ZDHHC2: variants seen among roughly 807,000 people sequenced by gnomAD.
The protein encoded by ZDHHC2 is palmitoyltransferase ZDHHC2.
In ZDHHC2, 51 loss-of-function variants were observed where a neutral mutation model predicts 55.6. The observed-to-expected ratio is 0.92, with a 90% CI of 0.73 to 1.16. The LOEUF (loss-of-function observed/expected upper bound fraction) is 1.16, where lower values mean the gene tolerates loss of function less well. Ranked by LOEUF, ZDHHC2 falls within the 50% of genes most tolerant of loss-of-function variation. The pLI is 0.00. For synonymous variants in ZDHHC2, 199 were observed against 152.9 expected, an observed-to-expected ratio of 1.30 and a Z score of -2.22; for missense variants, 491 against 442.4, an observed-to-expected ratio of 1.11 and a Z score of -0.99.
intron 1 of ZDHHC2, among the ~76,000 whole-genome samples, chr8:17,168,044 G>A (rs755546235): frequency 2.6e-5 from 4 of 152,018 alleles, no homozygotes; most frequent in African/African-American, 9.7e-5. Context: ...CCTTCTTAGA[G>A]TATACTGAAT....
chr8:17,188,331 C>T (rs1440140285), intron 3 of ZDHHC2, among the ~76,000 whole-genome samples: 3 of 151,722 alleles, frequency 2.0e-5, no homozygotes, highest in African/African-American at 7.3e-5. Context: ...ATTGTGATTC[C>T]ATATATCCCA....
chr8:17,199,822 T>C (rs1344904601), intron 6 of ZDHHC2, among the ~76,000 whole-genome samples: 10 of 149,922 alleles, frequency 6.7e-5, no homozygotes, highest in Admixed American at 2.0e-4. Flanking sequence ...TGCGGTAGCG[T>C]GATCTCAGCT....
rs1806566009 is a variant in ZDHHC2, at chr8:17,199,546, T to TCTTCGTCTTCGTCTTCGTCTTCGTCTTC, written c.476+1133_476+1134insCTTCGTCTTCGTCTTCGTCTTCGTCTTC. On this transcript the variant is annotated intron_variant, in intron 6 of 12. Transcript: ENST00000262096. ...GTCTTCGTCTTCTGTCTTCGTCTTC[T>TCTTCGTCTTCGTCTTCGTCTTCGTCTTC]GTCTTCGTCTTCGTCTTCTTCGTCT... 1.2e-4 allele frequency among the ~76,000 whole-genome samples: 5 copies of TCTTCGTCTTCGTCTTCGTCTTCGTCTTC among 40,642 alleles called. 1 individual carries two copies. Among genetic ancestry groups the TCTTCGTCTTCGTCTTCGTCTTCGTCTTC allele is most frequent in the Admixed American group, 3.3e-4 (1 of 3,050 alleles). 26.7% of individuals were successfully genotyped at this position (40,642 alleles called of 152,430 possible).
At chr8:17,189,871 A>G (rs182459086) in intron 3 of ZDHHC2, among the ~76,000 whole-genome samples, 331 of 152,238 alleles carry the variant, frequency 2.2e-3, no homozygotes, top group Admixed American at 8.0e-3. Context: ...ATTTTTTACT[A>G]TTTTACAGAT....
In ZDHHC2 at chr8:17,178,515, C is replaced by A. The variant is rs577239922; in HGVS notation, c.131-6274C>A. Among the ~76,000 whole-genome samples, 128 of 152,270 alleles carry A rather than the reference C, an allele frequency of 8.4e-4. 2 individuals are homozygous for A. Among genetic ancestry groups the A allele is most frequent in the Middle Eastern group, 6.8e-3 (2 of 294 alleles). On this transcript the variant is annotated intron_variant, in intron 1 of 12. Coordinates refer to ENST00000262096, the MANE Select transcript of ZDHHC2 (RefSeq NM_016353.5). ...AGTAAATATTTTAGGCTTTGCAGTC[C>A]ATACTTTCCCTGTCTCAGCTACCTA...
At chr8:17,178,865 C>G (rs947022399) in intron 1 of ZDHHC2, among the ~76,000 whole-genome samples, 2 of 152,130 alleles carry the variant, frequency 1.3e-5, no homozygotes, top group Non-Finnish European at 2.9e-5. Flanking sequence ...AATGTTATAA[C>G]AAAAAACTGT....
At chr8:17,182,787 A>G (rs933461106) in intron 1 of ZDHHC2, among the ~76,000 whole-genome samples, 3 of 152,128 alleles carry the variant, frequency 2.0e-5, no homozygotes, top group African/African-American at 7.2e-5. Flanking sequence ...TTTGAGACAG[A>G]GTCTCACTCT....
In ZDHHC2 at chr8:17,210,074, A is replaced by T; in HGVS notation, c.857+16A>T. On this transcript the variant is annotated intron_variant, in intron 9 of 12. Transcript: ENST00000262096. ...TTTTTTCAAGGTACTTCTTTGTTAA[A>T]ATTTTCAGGCTTTAAACTAATGAAA... The T allele has an allele frequency of 6.3e-7, 1 of 1,579,604 alleles. No individual in the cohort carries two copies. The highest frequency in any genetic ancestry group is 1.2e-5 in the South Asian group (1 of 86,638).
intron 1 of ZDHHC2, among the ~76,000 whole-genome samples, chr8:17,183,927 C>T (rs556835844): frequency 2.1e-4 from 32 of 152,140 alleles, no homozygotes; most frequent in African/African-American, 6.5e-4. Context: ...CTCACACTAC[C>T]CTCTGGTTCC....
At chr8:17,219,516 G>A (rs73555629) in intron 12 of ZDHHC2, among the ~76,000 whole-genome samples, 3,716 of 152,076 alleles carry the variant, frequency 0.024, 176 homozygotes, top group African/African-American at 0.084. Flanking sequence ...CAGCACTTGC[G>A]GAGGCCAAGG....
At position 17,206,400 on chromosome 8, in the gene ZDHHC2, T is replaced by C. The variant is rs1807103939; in HGVS notation, c.597+625T>C. On this transcript the variant is annotated intron_variant, in intron 7 of 12. Coordinates refer to ENST00000262096, the MANE Select transcript of ZDHHC2 (RefSeq NM_016353.5). ...ACACACTGATCAGTTGTCAAAGATG[T>C]TGTGACCAGAGGTTCATAGAAACCT... is the stretch of plus-strand genomic sequence containing the variant. Among the ~76,000 whole-genome samples, 4 of 152,314 alleles carry C rather than the reference T, an allele frequency of 2.6e-5. No homozygotes were observed. In the South Asian group the frequency reaches 8.3e-4, roughly 32 times the overall value.
intron 8 of ZDHHC2, among the ~76,000 whole-genome samples, 160 bp downstream of exon 8, chr8:17,208,252 G>T (rs1230033989): frequency 1.3e-5 from 2 of 149,952 alleles, no homozygotes; most frequent in African/African-American, 4.9e-5. Flanking sequence ...GACACATACA[G>T]GTTTGCTCAT....
At chr8:17,164,207 AC>A (rs1251405390) in intron 1 of ZDHHC2, among the ~76,000 whole-genome samples, 1 of 152,190 alleles carries the variant, frequency 6.6e-6, no homozygotes, top group Non-Finnish European at 1.5e-5. Flanking sequence ...TCTGGCCATG[AC>A]TTTTAAATTC....
At chr8:17,171,931 G>C (rs1229632370) in intron 1 of ZDHHC2, among the ~76,000 whole-genome samples, 1 of 151,732 alleles carries the variant, frequency 6.6e-6, no homozygotes, top group Non-Finnish European at 1.5e-5. Context: ...ACTCCATCTT[G>C]GTTCTTTCAC....
intron 6 of ZDHHC2, among the ~76,000 whole-genome samples, chr8:17,199,509 T>TCTTCGTCTTCGTCTTCGTCTTCGTCTTCG (rs1554466018): frequency 8.3e-6 from 1 of 121,204 alleles, no homozygotes; most frequent in African/African-American, 3.7e-5. Context: ...CTTCTTCTTC[T>TCTTCGTCTTCGTCTTCGTCTTCGTCTTCG]TCTTCGTCTT....
At chr8:17,187,104 A>G (rs1350150672) in intron 3 of ZDHHC2, among the ~76,000 whole-genome samples, 1 of 152,234 alleles carries the variant, frequency 6.6e-6, no homozygotes, top group Non-Finnish European at 1.5e-5. Context: ...TCTACCCACA[A>G]GGAAGGGGGG....
At chr8:17,198,495 C>T (rs1806440904) in intron 6 of ZDHHC2, 82 bp downstream of exon 6, 4 of 1,312,302 alleles carry the variant, frequency 3.0e-6, no homozygotes, top group Non-Finnish European at 3.1e-6. Flanking sequence ...TAAATCTTTT[C>T]ACACATGAAA....
At chr8:17,211,277 T>A (rs1317575552) in intron 10 of ZDHHC2, among the ~76,000 whole-genome samples, 5 of 152,182 alleles carry the variant, frequency 3.3e-5, no homozygotes, top group African/African-American at 1.2e-4. Context: ...AGCAAAAGCA[T>A]AACCATAATA....
At chr8:17,198,342 C>T in intron 5 of ZDHHC2, 39 bp from the exon 6 acceptor site, 1 of 1,549,408 alleles carries the variant, frequency 6.5e-7, no homozygotes, top group African/African-American at 1.4e-5. Context: ...ATTAAAATTT[C>T]ATGGGGTATT....
Sources: gnomAD v4.1 joint callset for allele counts (sites outside exome capture counted in the v4.1 genomes callset) on GRCh38, gnomAD v4.1.1 for gene constraint, MANE v1.5 for transcripts, NCBI Gene and HGNC (gene_info 2026-07-23, HGNC 2026-07-21) for gene names.